GPR158: variants seen among roughly 807,000 people sequenced by gnomAD.
The protein encoded by GPR158 is G protein-coupled receptor 158.
In GPR158, 30 loss-of-function variants were observed where a neutral mutation model predicts 78.2. The observed-to-expected ratio is 0.38, with a 90% CI of 0.29 to 0.52. The LOEUF (loss-of-function observed/expected upper bound fraction) is 0.52. GPR158 is among the 20% of genes least tolerant of loss of function. The pLI, the probability that GPR158 is intolerant of heterozygous loss-of-function variation, is 0.83. For synonymous variants in GPR158, 581 were observed against 591.1 expected, an observed-to-expected ratio of 0.98 and a Z score of 0.25; for missense variants, 1,463 against 1,523.5, an observed-to-expected ratio of 0.96 and a Z score of 0.66.
chr10:25,276,408 A>G (rs1220664866), intron 2 of GPR158, among the ~76,000 whole-genome samples: 1 of 152,198 alleles, frequency 6.6e-6, no homozygotes, highest in East Asian at 1.9e-4. Context: ...GGATATGCTC[A>G]AAGTATCCAG....
At chr10:25,291,074 T>C (rs976178630) in intron 2 of GPR158, among the ~76,000 whole-genome samples, 6 of 152,206 alleles carry the variant, frequency 3.9e-5, no homozygotes, top group Middle Eastern at 3.4e-3. Flanking sequence ...GCAGTCATAA[T>C]ACGCATTTCT....
intron 5 of GPR158, among the ~76,000 whole-genome samples, chr10:25,512,101 T>C (rs1836094169): frequency 1.3e-5 from 2 of 152,196 alleles, no homozygotes; most frequent in African/African-American, 2.4e-5. Context: ...GAGAATTGTA[T>C]TGAATTTGTA....
intron 4 of GPR158, among the ~76,000 whole-genome samples, chr10:25,464,358 A>C (rs1387125928): frequency 6.6e-6 from 1 of 152,112 alleles, no homozygotes; most frequent in Non-Finnish European, 1.5e-5. Flanking sequence ...CCCCCACTCG[A>C]GGCATTCATC....
At chr10:25,387,676 T>G (rs1170943956) in intron 2 of GPR158, among the ~76,000 whole-genome samples, 2 of 151,950 alleles carry the variant, frequency 1.3e-5, no homozygotes, top group Non-Finnish European at 2.9e-5. Flanking sequence ...CCACCATGCC[T>G]GGCTAATTTT....
At chr10:25,397,165 C>T (rs566802448) in intron 3 of GPR158, among the ~76,000 whole-genome samples, 1 of 152,268 alleles carries the variant, frequency 6.6e-6, no homozygotes, top group African/African-American at 2.4e-5. Flanking sequence ...CGGATCCACC[C>T]ACATTCAAAC....
intron 2 of GPR158, among the ~76,000 whole-genome samples, chr10:25,312,970 G>T (rs1182534589): frequency 1.3e-5 from 2 of 151,866 alleles, no homozygotes; most frequent in Non-Finnish European, 2.9e-5. Flanking sequence ...AGTATTATTG[G>T]AGGAAAAGTT....
At chr10:25,411,280 C>T (rs1564447712) in intron 3 of GPR158, among the ~76,000 whole-genome samples, 1 of 152,044 alleles carries the variant, frequency 6.6e-6, no homozygotes, top group Non-Finnish European at 1.5e-5. Context: ...GTGAAAATGT[C>T]CTAAGAGCTT....
In GPR158 at chr10:25,451,594, G is replaced by A. The variant is rs968255974; in HGVS notation, c.1336-15057G>A. On this transcript the variant is annotated intron_variant, in intron 4 of 10. Coordinates refer to ENST00000376351, the MANE Select transcript of GPR158 (RefSeq NM_020752.3). Reference sequence around the variant, plus strand: ...TTAAAATGACAGCTTTACAAAATGGGATGTTGAAAGTGCTAGGGCAAAGTT... The same window carrying A: ...TTAAAATGACAGCTTTACAAAATGGAATGTTGAAAGTGCTAGGGCAAAGTT... Among the ~76,000 whole-genome samples the A allele has an allele frequency of 2.6e-5, 4 of 152,296 alleles. No individual in the cohort carries two copies. The East Asian group carries it at 5.8e-4, about 22-fold the overall frequency.
Position 25,400,430 on chromosome 10 carries a change from C to T in GPR158, c.1111+4417C>T, listed in dbSNP as rs559197889. 4.6e-5 allele frequency among the ~76,000 whole-genome samples: 7 copies of T among 152,114 alleles called. No individual in the cohort carries two copies. The East Asian group carries it at 5.8e-4, about 13-fold the overall frequency. On this transcript the variant is annotated intron_variant, in intron 3 of 10. Transcript: ENST00000376351. Reference sequence around the variant, plus strand: ...GTGATTTAAAAATCTTTATTTAGACCGAGGCCCACAGTAAACAAATGACTC... The same window carrying T: ...GTGATTTAAAAATCTTTATTTAGACTGAGGCCCACAGTAAACAAATGACTC...
intron 5 of GPR158, among the ~76,000 whole-genome samples, chr10:25,488,630 T>A (rs1279898259): frequency 1.3e-5 from 2 of 152,130 alleles, no homozygotes; most frequent in Non-Finnish European, 2.9e-5. Flanking sequence ...AAACTGCCTA[T>A]CAGTTATTAA....
At chr10:25,532,740 T>TAA (rs5783940) in intron 5 of GPR158, among the ~76,000 whole-genome samples, 16,004 of 147,702 alleles carry the variant, frequency 0.11, 992 homozygotes, top group African/African-American at 0.17. Context: ...ACATTTGTTG[T>TAA]AAAAAAAAAA....
chr10:25,302,237 AATT>A (rs1206906712), intron 2 of GPR158, among the ~76,000 whole-genome samples: 2 of 60,126 alleles, frequency 3.3e-5, no homozygotes, highest in Non-Finnish European at 3.4e-5. Context: ...ATGCCTGGCT[AATT>A]TTTTTTTTTT....
At chr10:25,216,504 T>C (rs1853217189) in intron 1 of GPR158, among the ~76,000 whole-genome samples, 1 of 152,174 alleles carries the variant, frequency 6.6e-6, no homozygotes. Flanking sequence ...AGCTACTCCT[T>C]GCTTCTCTCA....
intron 7 of GPR158, among the ~76,000 whole-genome samples, chr10:25,573,276 T>C (rs185192797): frequency 1.4e-3 from 210 of 152,378 alleles, no homozygotes; most frequent in Non-Finnish European, 2.4e-3. Context: ...GTTTTTTAAA[T>C]AAAATGTTGG....
At chr10:25,591,056 T>G (rs1383471723) in intron 8 of GPR158, among the ~76,000 whole-genome samples, 1 of 152,068 alleles carries the variant, frequency 6.6e-6, no homozygotes, top group Non-Finnish European at 1.5e-5. Flanking sequence ...AGAAAAATCC[T>G]AAAGAAAAAA....
chr10:25,404,245 T>C (rs1012755714), intron 3 of GPR158, among the ~76,000 whole-genome samples: 7 of 152,094 alleles, frequency 4.6e-5, no homozygotes, highest in Non-Finnish European at 8.8e-5. Context: ...TTGGTTTTGC[T>C]TTCTCTCTCT....
At chr10:25,437,530 T>C (rs1183839202) in intron 4 of GPR158, among the ~76,000 whole-genome samples, 3 of 152,218 alleles carry the variant, frequency 2.0e-5, no homozygotes, top group Non-Finnish European at 4.4e-5. Context: ...CCAGTCCCTA[T>C]TGGGATTTTG....
intron 5 of GPR158, among the ~76,000 whole-genome samples, chr10:25,550,013 A>G (rs1836708334): frequency 6.6e-6 from 1 of 152,204 alleles, no homozygotes; most frequent in South Asian, 2.1e-4. Context: ...TTAATCCTTT[A>G]GCACTGCAAG....
intron 2 of GPR158, among the ~76,000 whole-genome samples, chr10:25,280,584 G>A (rs1854253118): frequency 6.6e-6 from 1 of 152,132 alleles, no homozygotes; most frequent in Non-Finnish European, 1.5e-5. Flanking sequence ...TAACCACATA[G>A]TTAAGAACGT....
Sources: gnomAD v4.1 joint callset for allele counts (sites outside exome capture counted in the v4.1 genomes callset) on GRCh38, gnomAD v4.1.1 for gene constraint, MANE v1.5 for transcripts, NCBI Gene and HGNC (gene_info 2026-07-23, HGNC 2026-07-21) for gene names.